The following UNC13C variants were observed in gnomAD, a reference collection of about 807,000 sequenced individuals.
The protein encoded by UNC13C is unc-13 homolog C.
UNC13C carries 174 observed loss-of-function variants against 245.4 expected under a neutral mutation model. That is an observed-to-expected ratio of 0.71 (90% CI 0.63 to 0.80). The LOEUF is 0.80. Among genes scored for constraint, UNC13C ranks in the 30% least tolerant of loss-of-function variants. The pLI is 0.00. For synonymous variants in UNC13C, 992 were observed against 895.1 expected (o/e 1.11, Z -1.93); for missense variants, 2,829 against 2,602.9 (o/e 1.09, Z -1.89).
chr15:54,447,869 G>A (rs1175184432), intron 19 of UNC13C, among the ~76,000 whole-genome samples: 1 of 152,108 alleles, frequency 6.6e-6, no homozygotes. Context: ...TGATGTTAGG[G>A]TGTCAATTTT....
At chr15:54,132,892 C>G (rs997513955) in intron 2 of UNC13C, among the ~76,000 whole-genome samples, 1 of 152,142 alleles carries the variant, frequency 6.6e-6, no homozygotes, top group Non-Finnish European at 1.5e-5. Context: ...GGGTGGAACT[C>G]AATTTACATA....
intron 29 of UNC13C, among the ~76,000 whole-genome samples, chr15:54,566,617 A>C (rs1042254284): frequency 1.3e-5 from 2 of 151,938 alleles, no homozygotes; most frequent in Non-Finnish European, 2.9e-5. Flanking sequence ...TTTAAATCCC[A>C]TTTGCCTAAT....
intron 2 of UNC13C, among the ~76,000 whole-genome samples, chr15:54,137,040 G>C (rs1200288667): frequency 6.6e-6 from 1 of 151,962 alleles, no homozygotes; most frequent in Non-Finnish European, 1.5e-5. Flanking sequence ...TCTTGCCCCA[G>C]CTAGTCTTGC....
intron 19 of UNC13C, among the ~76,000 whole-genome samples, chr15:54,476,802 G>A (rs1401101087): frequency 1.3e-5 from 2 of 149,658 alleles, no homozygotes; most frequent in Non-Finnish European, 3.0e-5. Flanking sequence ...GCTCTTTTTT[G>A]GTTCCATATG....
rs1159335488 is a variant in UNC13C at position 54,243,896 on chromosome 15, G to T, written c.3228+6206G>T. On this transcript the variant is annotated intron_variant, in intron 7 of 32. Transcript: ENST00000260323. ...ATATTAGACCTTTGTCAGACAGATA[G>T]ATTGCAAAAATTTTCTTCCATTCTG... Among the ~76,000 whole-genome samples, 3 of 152,106 alleles carry T rather than the reference G, an allele frequency of 2.0e-5. No individual in the cohort carries two copies. The East Asian group carries it at 5.8e-4, about 29-fold the overall frequency.
chr15:54,610,822 T>A (rs1356448355), intron 30 of UNC13C, among the ~76,000 whole-genome samples: 1 of 152,210 alleles, frequency 6.6e-6, no homozygotes. Flanking sequence ...ATCACGTACC[T>A]TTTACATACA....
At chr15:54,574,475 C>G (rs1373143764) in intron 30 of UNC13C, among the ~76,000 whole-genome samples, 1 of 152,112 alleles carries the variant, frequency 6.6e-6, no homozygotes. Flanking sequence ...CAGGAGCAGA[C>G]AGTGAAAAAT....
chr15:54,022,291 A>G (rs2141005399), intron 2 of UNC13C, among the ~76,000 whole-genome samples: 1 of 152,156 alleles, frequency 6.6e-6, no homozygotes, highest in South Asian at 2.1e-4. Context: ...GTGTGAGGTG[A>G]TATCACACTG....
chr15:54,296,683 A>T (rs544328052), intron 11 of UNC13C, among the ~76,000 whole-genome samples: 1 of 152,296 alleles, frequency 6.6e-6, no homozygotes, highest in South Asian at 2.1e-4. Flanking sequence ...AGTCATCTTC[A>T]TGGTTTAACT....
intron 17 of UNC13C, among the ~76,000 whole-genome samples, chr15:54,367,048 A>T (rs764965981): frequency 1.2e-4 from 18 of 152,214 alleles, no homozygotes; most frequent in Non-Finnish European, 2.1e-4. Flanking sequence ...TTAATTATGC[A>T]TAAGATCAGG....
chr15:54,002,323 C>T (rs1204500378), intron 1 of UNC13C, among the ~76,000 whole-genome samples: 1 of 151,744 alleles, frequency 6.6e-6, no homozygotes, highest in African/African-American at 2.4e-5. Flanking sequence ...TATTCAAATC[C>T]TAACTGTATG....
chr15:54,179,469 T>G (rs928299621), intron 4 of UNC13C, among the ~76,000 whole-genome samples: 17 of 152,028 alleles, frequency 1.1e-4, no homozygotes, highest in Non-Finnish European at 1.5e-5. Flanking sequence ...ATTCTAGAGC[T>G]GCAAAATACA....
the UNC13C span, among the ~76,000 whole-genome samples, chr15:53,873,643 G>A: frequency 1.8e-4 from 17 of 95,366 alleles, no homozygotes; most frequent in Non-Finnish European, 2.1e-4. Flanking sequence ...GATGCACGAA[G>A]TGATTCTCTT....
Position 54,144,369 on chromosome 15 carries a change from T to A in UNC13C, c.3071+685T>A, listed in dbSNP as rs796386861. ...CATTTTAACATAAAACAGTCCACTC[T>A]GTGTAAATAAATAAGCATGAATTTA... On this transcript the variant is annotated intron_variant, in intron 4 of 32. Coordinates refer to ENST00000260323, the MANE Select transcript of UNC13C (RefSeq NM_001080534.3). 2.0e-5 allele frequency among the ~76,000 whole-genome samples: 3 copies of A among 152,156 alleles called. No individual in the cohort carries two copies. In the South Asian group the frequency reaches 6.2e-4, roughly 32 times the overall value.
chr15:54,045,792 T>C (rs1413672060), intron 2 of UNC13C, among the ~76,000 whole-genome samples: 1 of 152,238 alleles, frequency 6.6e-6, no homozygotes, highest in South Asian at 2.1e-4. Context: ...TTCTACAAAC[T>C]AGCTTTAGCA....
intron 4 of UNC13C, among the ~76,000 whole-genome samples, chr15:54,188,633 C>G (rs733183): frequency 0.03 from 4,516 of 152,254 alleles, 227 homozygotes; most frequent in African/African-American, 0.1. Flanking sequence ...AATAAGTACA[C>G]TATTGCCTTG....
At chr15:54,592,370 C>T (rs781686517) in intron 30 of UNC13C, among the ~76,000 whole-genome samples, 1 of 152,074 alleles carries the variant, frequency 6.6e-6, no homozygotes, top group Non-Finnish European at 1.5e-5. Flanking sequence ...GTCTTGATGA[C>T]CTGTCTAGTG....
intron 4 of UNC13C, among the ~76,000 whole-genome samples, chr15:54,213,696 A>C (rs117428776): frequency 1.3e-5 from 2 of 152,090 alleles, no homozygotes; most frequent in African/African-American, 2.4e-5. Context: ...GTGTAAGTGC[A>C]TGTAAGCATA....
At position 54,570,551 on chromosome 15, in the gene UNC13C, T is replaced by C. The variant is rs145077527; in HGVS notation, c.6106+2604T>C. Among the ~76,000 whole-genome samples, 53 of 152,282 alleles carry C rather than the reference T, an allele frequency of 3.5e-4. 1 individual carries two copies. In the East Asian group the frequency reaches 9.1e-3, roughly 26 times the overall value. On this transcript the variant is annotated intron_variant, in intron 30 of 32. Coordinates refer to ENST00000260323, the MANE Select transcript of UNC13C (RefSeq NM_001080534.3). ...TAAAAAATGGAGGCAAGCTAAAAAG[T>C]CTTCTCAGTTAGTGAATCCAGGATT...
Sources: gnomAD v4.1 joint callset for allele counts (sites outside exome capture counted in the v4.1 genomes callset) on GRCh38, gnomAD v4.1.1 for gene constraint, MANE v1.5 for transcripts, NCBI Gene and HGNC (gene_info 2026-07-23, HGNC 2026-07-21) for gene names.